Variants in NACC2 observed in about 807,000 individuals in gnomAD.
NACC2 encodes the protein nucleus accumbens-associated protein 2.
A neutral mutation model predicts 25.1 loss-of-function variants in NACC2; 8 were observed. That is an observed-to-expected ratio of 0.32 (90% CI 0.19 to 0.57). The LOEUF (loss-of-function observed/expected upper bound fraction) is 0.57, where lower values mean the gene tolerates loss of function less well. Ranked by LOEUF, NACC2 falls within the 20% of genes least tolerant of loss-of-function variation. The pLI, the probability that NACC2 is intolerant of heterozygous loss-of-function variation, is 0.89. For missense variants in NACC2, 644 were observed against 650.2 expected, an observed-to-expected ratio of 0.99 and a Z score of 0.10; for synonymous variants, 435 against 294.7, an observed-to-expected ratio of 1.48 and a Z score of -4.88.
rs546792720 is a variant in NACC2 at position 136,061,597 on chromosome 9, C to T, written c.-59-11017G>A. 7.2e-5 allele frequency among the ~76,000 whole-genome samples: 11 copies of T among 152,280 alleles called. No individual in the cohort carries two copies. The South Asian group carries it at 2.3e-3, about 32-fold the overall frequency. The stretch of plus-strand genomic sequence containing the variant: ...GTGTACACGTTCGGGGGTTGAGACC[C>T]TGTGCGGCTCACACCTGGACCCAGC... On this transcript the variant is annotated intron_variant, in intron 1 of 5. Coordinates refer to ENST00000277554, the MANE Select transcript of NACC2 (RefSeq NM_144653.5).
intron 1 of NACC2, among the ~76,000 whole-genome samples, chr9:136,060,146 T>C (rs1249761907): frequency 4.6e-5 from 7 of 152,216 alleles, no homozygotes; most frequent in African/African-American, 1.7e-4. Context: ...ACGGATAATG[T>C]AGTAAGAATC....
intron 2 of NACC2, among the ~76,000 whole-genome samples, chr9:136,047,881 C>T (rs1298974845): frequency 1.3e-5 from 2 of 152,214 alleles, no homozygotes; most frequent in Non-Finnish European, 2.9e-5. Flanking sequence ...CACGAGGCTT[C>T]ACCGTGCTCC....
intron 1 of NACC2, among the ~76,000 whole-genome samples, chr9:136,083,213 G>A (rs926418794): frequency 1.7e-4 from 26 of 152,238 alleles, no homozygotes; most frequent in Admixed American, 1.5e-3. Flanking sequence ...GCTCAGGGGA[G>A]CTGGTGGGGG....
chr9:136,076,236 C>T (rs1243775658), intron 1 of NACC2, among the ~76,000 whole-genome samples: 3 of 152,330 alleles, frequency 2.0e-5, no homozygotes, highest in Admixed American at 6.5e-5. Flanking sequence ...CAGCGTTTCC[C>T]GGCCCTGCGG....
Position 136,011,649 on chromosome 9 carries a change from G to C in NACC2, c.1631C>G (p.Ala544Gly). 7.1e-7 allele frequency: 1 copy of C among 1,405,948 alleles called. No individual in the cohort carries two copies. The highest frequency in any genetic ancestry group is 9.2e-7 in the Non-Finnish European group (1 of 1,084,982). 87.1% of individuals were successfully genotyped at this position (1,405,948 alleles called of 1,614,324 possible). ...GCCATCGGCGGGCAGCGGCTCGGGG[G>C]CGGCCACCTCCTGGATGACCGAGCC... The part of the protein sequence containing the change: ...GAGSVIQEVA[A>G]PEPLPADGQS... Residue 544 changes from alanine (A) to glycine (G), a missense_variant, in exon 6 of 6, where the codon GCC becomes GGC. Physicochemically the swap from Ala to Gly is moderately conservative, Grantham distance 60. Transcript: ENST00000277554.
chr9:136,015,426 G>A (rs1027289837), intron 3 of NACC2, among the ~76,000 whole-genome samples: 7 of 152,230 alleles, frequency 4.6e-5, no homozygotes, highest in African/African-American at 1.7e-4. Context: ...GCCAGGTGCA[G>A]CCCAGGAGGC....
At chr9:136,082,661 G>GA (rs2131186884) in intron 1 of NACC2, among the ~76,000 whole-genome samples, 1 of 102,730 alleles carries the variant, frequency 9.7e-6, no homozygotes, top group African/African-American at 2.8e-5. Context: ...CCACGGACCT[G>GA]CCTCCCAAGA....
chr9:136,042,367 CG>C (rs1459548465), intron 2 of NACC2, among the ~76,000 whole-genome samples: 2 of 152,122 alleles, frequency 1.3e-5, no homozygotes, highest in Admixed American at 6.5e-5. Context: ...GTAATCCTGA[CG>C]GGGGGTATCT....
rs745861172 is a variant in NACC2, at chr9:136,011,707, C to A, written c.1573G>T (p.Ala525Ser). 6.6e-7 allele frequency: 1 copy of A among 1,504,330 alleles called. No homozygotes were observed. The highest frequency in any genetic ancestry group is 8.9e-7 in the Non-Finnish European group (1 of 1,128,648). 93.2% of individuals were successfully genotyped at this position (1,504,330 alleles called of 1,614,324 possible). A position where few individuals can be genotyped will look rare whatever the true frequency, so the allele number is the denominator to read the frequency against. Residue 525 changes from alanine to serine, a missense_variant, in exon 6 of 6, where the codon GCC becomes TCC. Coordinates refer to ENST00000277554, the MANE Select transcript of NACC2 (RefSeq NM_144653.5). ...NVDLSAAANP[A>S]FDAGEEVDGA... ...TCCACCTCCTCGCCGGCGTCGAAGG[C>A]GGGGTTGGCGGCGGCACTCAGGTCA... is the stretch of plus-strand genomic sequence containing the variant.
intron 2 of NACC2, among the ~76,000 whole-genome samples, chr9:136,037,051 A>G (rs1353203646): frequency 2.6e-5 from 4 of 152,234 alleles, no homozygotes; most frequent in African/African-American, 9.6e-5. Flanking sequence ...GCAATCCAGA[A>G]GACAAAGAAT....
chr9:136,029,588 G>C (rs1241391770), intron 2 of NACC2, among the ~76,000 whole-genome samples: 2 of 152,244 alleles, frequency 1.3e-5, no homozygotes, highest in Non-Finnish European at 2.9e-5. Flanking sequence ...GGGGATCCCA[G>C]ACCCAGGAGG....
chr9:136,015,637 G>A (rs141413948), intron 3 of NACC2, among the ~76,000 whole-genome samples: 24 of 152,310 alleles, frequency 1.6e-4, no homozygotes, highest in South Asian at 1.0e-3. Context: ...CAAGGAAAGC[G>A]CCTGAGGGCC....
In NACC2 at chr9:136,007,430, TACACAC is replaced by T. The variant is rs71759303; in HGVS notation, c.*4080_*4085del. 3.7e-5 allele frequency: 5 copies of T among 136,854 alleles called. No individual in the cohort carries two copies. Among genetic ancestry groups the T allele is most frequent in the Non-Finnish European group, 4.6e-5 (3 of 65,712 alleles). 8.5% of individuals were successfully genotyped at this position (136,854 alleles called of 1,614,324 possible). A position where few individuals can be genotyped will look rare whatever the true frequency, so the allele number is the denominator to read the frequency against. On this transcript the variant is annotated 3_prime_UTR_variant, in exon 6 of 6. Coordinates refer to ENST00000277554, the MANE Select transcript of NACC2 (RefSeq NM_144653.5). ...GTGCACACAGACGCGCGTGCACACA[TACACAC>T]AGACGCGCACACACACGCGCACACA...
rs35027341 is a variant in NACC2 at position 136,073,427 on chromosome 9, CA to C, written c.-60+21761del. 5.2e-3 allele frequency among the ~76,000 whole-genome samples: 722 copies of C among 139,584 alleles called. 5 individuals are homozygous for C. Among genetic ancestry groups the C allele is most frequent in the African/African-American group, 0.017 (678 of 39,954 alleles). 91.6% of individuals were successfully genotyped at this position (139,584 alleles called of 152,430 possible). Reference sequence around the variant, plus strand: ...CCTGGGTGACAGAGCAAGACTGTCTCAAAAAAAAAATTTTTAATAAAAAATA... The same window carrying C: ...CCTGGGTGACAGAGCAAGACTGTCTCAAAAAAAAATTTTTAATAAAAAATA... On this transcript the variant is annotated intron_variant, in intron 1 of 5. Coordinates refer to ENST00000277554, the MANE Select transcript of NACC2 (RefSeq NM_144653.5).
At chr9:136,041,176 C>T (rs58998041) in intron 2 of NACC2, among the ~76,000 whole-genome samples, 4,083 of 152,226 alleles carry the variant, frequency 0.027, 179 homozygotes, top group African/African-American at 0.093. Context: ...AATCCCAGCA[C>T]TTTGGAAGGC....
intron 1 of NACC2, among the ~76,000 whole-genome samples, chr9:136,087,257 C>A (rs1830388669): frequency 6.6e-6 from 1 of 152,252 alleles, no homozygotes; most frequent in Non-Finnish European, 1.5e-5. Flanking sequence ...GCCTGCAGAA[C>A]TGGGACAGGA....
intron 3 of NACC2, 68 bp downstream of exon 3, chr9:136,016,197 T>G: frequency 6.5e-7 from 1 of 1,544,708 alleles, no homozygotes; most frequent in South Asian, 1.1e-5. Context: ...TTCAGAGCTC[T>G]CCAATAAATA....
chr9:136,048,725 T>A (rs1235434467), intron 2 of NACC2, among the ~76,000 whole-genome samples: 1 of 152,208 alleles, frequency 6.6e-6, no homozygotes, highest in African/African-American at 2.4e-5. Flanking sequence ...GGGACCCAGC[T>A]GGCCTAGGGG....
At chr9:136,092,912 C>T (rs1052514856) in intron 1 of NACC2, among the ~76,000 whole-genome samples, 3 of 152,282 alleles carry the variant, frequency 2.0e-5, no homozygotes, top group South Asian at 2.1e-4. Context: ...ATGGAGTGAC[C>T]CCAAGGGGCT....
Sources: allele counts gnomAD v4.1 joint callset (sites outside exome capture counted in the v4.1 genomes callset), GRCh38; gene constraint gnomAD v4.1.1; transcripts MANE v1.5; gene names NCBI Gene and HGNC (gene_info 2026-07-23, HGNC 2026-07-21).